LMX1B: variants seen among roughly 807,000 people sequenced by gnomAD.
LMX1B encodes the protein LIM homeobox transcription factor 1-beta.
Under a neutral mutation model 51.4 loss-of-function variants are expected in LMX1B, and 12 were observed. The observed-to-expected ratio is 0.23, with a 90% CI of 0.15 to 0.38. The LOEUF is 0.38. Among genes scored for constraint, LMX1B ranks in the 10% least tolerant of loss-of-function variants. The probability of loss-of-function intolerance (pLI) is 1.00; values close to 1 mark genes in which losing one functional copy is unlikely to be tolerated. For missense variants in LMX1B, 445 were observed against 571.1 expected (o/e 0.78, Z 2.25); for synonymous variants, 237 against 235.4 (o/e 1.01, Z -0.06).
At chr9:126,655,212 C>G (rs984435402) in intron 2 of LMX1B, among the ~76,000 whole-genome samples, 1 of 152,234 alleles carries the variant, frequency 6.6e-6, no homozygotes, top group African/African-American at 2.4e-5. Flanking sequence ...GGAGGTTGTC[C>G]GCAGCTCAGC....
intron 2 of LMX1B, among the ~76,000 whole-genome samples, chr9:126,664,550 G>A (rs935816057): frequency 6.6e-6 from 1 of 152,226 alleles, no homozygotes; most frequent in African/African-American, 2.4e-5. Context: ...ATGTCACAGA[G>A]ATAGCGCATG....
chr9:126,640,381 G>C (rs892719652), intron 2 of LMX1B, among the ~76,000 whole-genome samples: 1 of 152,222 alleles, frequency 6.6e-6, no homozygotes, highest in African/African-American at 2.4e-5. Context: ...GTCCTACCCA[G>C]TCTGGGCAGC....
At chr9:126,652,465 C>T (rs2118904625) in intron 2 of LMX1B, among the ~76,000 whole-genome samples, 1 of 152,366 alleles carries the variant, frequency 6.6e-6, no homozygotes, top group South Asian at 2.1e-4. Flanking sequence ...ATGGGCGGGG[C>T]TGGCTCCAGG....
rs2030449361 is a variant in LMX1B at position 126,699,073 on chromosome 9, G to A, written c.*2622G>A. 6.6e-6 allele frequency: 1 copy of A among 152,274 alleles called. No homozygotes were observed. The highest frequency in any genetic ancestry group is 1.5e-5 in the Non-Finnish European group (1 of 68,078). The allele number at this position is 152,274 out of a possible 1,614,324, so 9.4% of individuals were successfully genotyped here. ...TTTGCACATGCACCATCTGAATCGTGCCAGGGACATCCTGGGCAGATTCAG... is the reference window on the plus strand; with the variant it reads ...TTTGCACATGCACCATCTGAATCGTACCAGGGACATCCTGGGCAGATTCAG... On this transcript the variant is annotated 3_prime_UTR_variant, in exon 8 of 8. Transcript: ENST00000373474.
Position 126,614,309 on chromosome 9 carries a change from A to T in LMX1B, c.-141A>T. The T allele has an allele frequency of 2.7e-6, 1 of 375,132 alleles. No homozygotes were observed. The highest frequency in any genetic ancestry group is 3.6e-6 in the Non-Finnish European group (1 of 275,644). 23.2% of individuals were successfully genotyped at this position (375,132 alleles called of 1,614,324 possible). ...CCCGGGGCCAGCGCGTCGCCGCTCC[A>T]CGATCGCCGGGGGCCGGCGCAACCC... On this transcript the variant is annotated 5_prime_UTR_variant, in exon 1 of 8. Coordinates refer to ENST00000373474, the MANE Select transcript of LMX1B (RefSeq NM_001174147.2).
chr9:126,652,323 C>G (rs1305892025), intron 2 of LMX1B, among the ~76,000 whole-genome samples: 1 of 152,126 alleles, frequency 6.6e-6, no homozygotes, highest in Non-Finnish European at 1.5e-5. Flanking sequence ...TCTTTCTTCC[C>G]GGCCTGCTTA....
In LMX1B at chr9:126,619,320, G is replaced by C. The variant is rs1486850687; in HGVS notation, c.326+3751G>C. On this transcript the variant is annotated intron_variant, in intron 2 of 7. Coordinates refer to ENST00000373474, the MANE Select transcript of LMX1B (RefSeq NM_001174147.2). Reference sequence around the variant, plus strand: ...CCATCCAGCTCCCGCGTTCGGGTGTGGCCCAGGGGGAGAGCAGTCAGGCTC... The same window carrying C: ...CCATCCAGCTCCCGCGTTCGGGTGTCGCCCAGGGGGAGAGCAGTCAGGCTC... 2.0e-5 allele frequency among the ~76,000 whole-genome samples: 3 copies of C among 152,154 alleles called. No individual in the cohort carries two copies. In the East Asian group the frequency reaches 5.8e-4, roughly 29 times the overall value.
chr9:126,639,149 AAGGAG>A (rs1487526791), intron 2 of LMX1B, among the ~76,000 whole-genome samples: 1 of 150,750 alleles, frequency 6.6e-6, no homozygotes, highest in Non-Finnish European at 1.5e-5. Flanking sequence ...GACAAGAGAA[AAGGAG>A]AGGAAAGAGA....
chr9:126,656,010 T>G (rs1021759649), intron 2 of LMX1B, among the ~76,000 whole-genome samples: 2 of 152,104 alleles, frequency 1.3e-5, no homozygotes, highest in Non-Finnish European at 2.9e-5. Flanking sequence ...GGGGGAAGTA[T>G]GTCAAATGCC....
chr9:126,683,912 A>C (rs1435569252), intron 2 of LMX1B, among the ~76,000 whole-genome samples: 2 of 152,080 alleles, frequency 1.3e-5, no homozygotes, highest in African/African-American at 4.8e-5. Context: ...CACCTTTTCC[A>C]AGAAGTCCCC....
chr9:126,670,395 C>T (rs1045902059), intron 2 of LMX1B, among the ~76,000 whole-genome samples: 3 of 152,236 alleles, frequency 2.0e-5, no homozygotes, highest in African/African-American at 7.2e-5. Flanking sequence ...CGTACGCATC[C>T]TTGGTGCGTA....
chr9:126,696,536 C>A lies in LMX1B; in HGVS notation c.*85C>A. ...GGCCAGCCTGGCCACCCCCGCCCTG[C>A]TCTCCGCACAGACTACAGACAGCCA... On this transcript the variant is annotated 3_prime_UTR_variant, in exon 8 of 8. Transcript: ENST00000373474. 1 of 1,500,638 alleles carries A rather than the reference C, an allele frequency of 6.7e-7. No individual in the cohort carries two copies. The highest frequency in any genetic ancestry group is 9.2e-7 in the Non-Finnish European group (1 of 1,082,224). 93.0% of individuals were successfully genotyped at this position (1,500,638 alleles called of 1,614,324 possible).
intron 2 of LMX1B, among the ~76,000 whole-genome samples, chr9:126,660,343 G>C (rs976498544): frequency 1.3e-5 from 2 of 152,210 alleles, no homozygotes; most frequent in African/African-American, 4.8e-5. Context: ...TGGCCTTATA[G>C]TTTGTCCTGG....
chr9:126,634,514 C>T lies in LMX1B; in HGVS notation c.326+18945C>T, dbSNP rs112238097. Among the ~76,000 whole-genome samples, 1,128 of 152,210 alleles carry T rather than the reference C, an allele frequency of 7.4e-3. 16 individuals carry two copies. Among genetic ancestry groups the T allele is most frequent in the African/African-American group, 0.026 (1,064 of 41,520 alleles). ...GCCAAGGAGATGCCAGGAGCAGACC[C>T]GGTGCACAGTAGGTGTTCAGGGACT... On this transcript the variant is annotated intron_variant, in intron 2 of 7. Transcript: ENST00000373474.
intron 2 of LMX1B, among the ~76,000 whole-genome samples, chr9:126,655,248 C>T (rs923393760): frequency 2.0e-5 from 3 of 152,218 alleles, no homozygotes; most frequent in African/African-American, 4.8e-5. Context: ...GCCTCAGAGG[C>T]CTTGTGAGCC....
At chr9:126,670,239 C>T (rs973384318) in intron 2 of LMX1B, among the ~76,000 whole-genome samples, 3 of 152,222 alleles carry the variant, frequency 2.0e-5, no homozygotes, top group Non-Finnish European at 4.4e-5. Context: ...CCTCCCATGG[C>T]CAGACATGTG....
intron 2 of LMX1B, among the ~76,000 whole-genome samples, chr9:126,661,463 C>T (rs1836244562): frequency 6.6e-6 from 1 of 152,180 alleles, no homozygotes; most frequent in African/African-American, 2.4e-5. Context: ...GTAGGGGGCA[C>T]AGAGGCTGAG....
At chr9:126,630,054 C>T (rs1394666433) in intron 2 of LMX1B, among the ~76,000 whole-genome samples, 1 of 146,366 alleles carries the variant, frequency 6.8e-6, no homozygotes, top group Non-Finnish European at 1.5e-5. Context: ...CCCAGCTACT[C>T]GGGAGGCTGA....
chr9:126,652,792 TGG>T (rs1564155788), intron 2 of LMX1B, among the ~76,000 whole-genome samples: 1 of 152,094 alleles, frequency 6.6e-6, no homozygotes, highest in Non-Finnish European at 1.5e-5. Context: ...AACAAGGGGA[TGG>T]GTCAGGAGCA....
Sources: gnomAD v4.1 joint callset for allele counts (sites outside exome capture counted in the v4.1 genomes callset) on GRCh38, gnomAD v4.1.1 for gene constraint, MANE v1.5 for transcripts, NCBI Gene and HGNC (gene_info 2026-07-23, HGNC 2026-07-21) for gene names.